CTNNA3: variants seen among roughly 807,000 people sequenced by gnomAD.
CTNNA3 encodes the protein catenin alpha-3.
CTNNA3 carries 76 observed loss-of-function variants against 95.7 expected under a neutral mutation model. That is an observed-to-expected ratio of 0.79 (90% CI 0.66 to 0.96). The LOEUF (loss-of-function observed/expected upper bound fraction) is 0.96. CTNNA3 is among the 40% of genes least tolerant of loss of function. The probability of loss-of-function intolerance (pLI) is 0.00; values close to 1 mark genes in which losing one functional copy is unlikely to be tolerated. For missense variants in CTNNA3, 1,191 were observed against 1,089.8 expected, an observed-to-expected ratio of 1.09 and a Z score of -1.31; for synonymous variants, 431 against 374.4, an observed-to-expected ratio of 1.15 and a Z score of -1.74.
At chr10:66,599,426 A>C (rs866482686) in intron 10 of CTNNA3, among the ~76,000 whole-genome samples, 6 of 152,138 alleles carry the variant, frequency 3.9e-5, no homozygotes, top group African/African-American at 1.4e-4. Context: ...TTTTGCAGTC[A>C]TGGCTGTACT....
chr10:66,704,050 C>T (rs991496051), intron 9 of CTNNA3, among the ~76,000 whole-genome samples: 1 of 152,070 alleles, frequency 6.6e-6, no homozygotes, highest in Non-Finnish European at 1.5e-5. Flanking sequence ...TGCTTGTCTC[C>T]CGATTCGTAT....
intron 7 of CTNNA3, among the ~76,000 whole-genome samples, chr10:66,781,725 C>A (rs1840543854): frequency 6.6e-6 from 1 of 152,142 alleles, no homozygotes; most frequent in African/African-American, 2.4e-5. Flanking sequence ...GATGCCATCC[C>A]CATGTAGATG....
intron 7 of CTNNA3, among the ~76,000 whole-genome samples, chr10:66,888,639 A>G (rs1845141462): frequency 6.6e-6 from 1 of 152,128 alleles, no homozygotes; most frequent in Admixed American, 6.5e-5. Context: ...ATGCTTCACA[A>G]CCTCATAGAG....
chr10:67,463,198 C>T (rs1000161160), intron 5 of CTNNA3, among the ~76,000 whole-genome samples: 2 of 152,120 alleles, frequency 1.3e-5, no homozygotes, highest in African/African-American at 4.8e-5. Context: ...AGCCACCACA[C>T]CCGACCTCTG....
chr10:66,965,899 A>G (rs1414801713), intron 7 of CTNNA3, among the ~76,000 whole-genome samples: 1 of 152,286 alleles, frequency 6.6e-6, no homozygotes, highest in African/African-American at 2.4e-5. Context: ...AGAGAAATCC[A>G]TCCTCCTTGG....
intron 1 of CTNNA3, among the ~76,000 whole-genome samples, chr10:67,727,114 T>C (rs1252546745): frequency 8.2e-6 from 1 of 121,806 alleles, no homozygotes; most frequent in Non-Finnish European, 1.6e-5. Context: ...ATGATACATA[T>C]ATGATATAAT....
Position 66,541,606 on chromosome 10 carries a change from T to C in CTNNA3, c.1375-20833A>G, listed in dbSNP as rs953076348. Among the ~76,000 whole-genome samples the C allele has an allele frequency of 3.3e-5, 5 of 152,148 alleles. No homozygotes were observed. In the East Asian group the frequency reaches 9.6e-4, roughly 29 times the overall value. ...CAGAAATCATCCAAGCTTTTCTCTA[T>C]AATGCATGTTTCTTTAGATATTGTA... On this transcript the variant is annotated intron_variant, in intron 10 of 17. Coordinates refer to ENST00000433211, the MANE Select transcript of CTNNA3 (RefSeq NM_013266.4).
At chr10:67,691,867 T>C (rs1306248729) in intron 1 of CTNNA3, among the ~76,000 whole-genome samples, 8 of 123,846 alleles carry the variant, frequency 6.5e-5, no homozygotes, top group South Asian at 3.0e-4. Context: ...CCTGGCCAGC[T>C]GCCCCGTCCG....
intron 5 of CTNNA3, among the ~76,000 whole-genome samples, chr10:67,229,432 A>T (rs1054397740): frequency 6.6e-6 from 1 of 152,040 alleles, no homozygotes; most frequent in Non-Finnish European, 1.5e-5. Flanking sequence ...CATTCTCACC[A>T]CTCCTCTGCA....
At chr10:66,709,394 T>C (rs1848219340) in intron 9 of CTNNA3, among the ~76,000 whole-genome samples, 1 of 151,962 alleles carries the variant, frequency 6.6e-6, no homozygotes, top group South Asian at 2.1e-4. Context: ...CTAGAAAGGA[T>C]AATGAGTCTC....
At chr10:66,714,832 A>G (rs1275396750) in intron 9 of CTNNA3, among the ~76,000 whole-genome samples, 1 of 152,082 alleles carries the variant, frequency 6.6e-6, no homozygotes, top group East Asian at 1.9e-4. Context: ...AAAACCAATC[A>G]TGTCATTTGC....
chr10:66,897,567 G>A (rs563642451), intron 7 of CTNNA3, among the ~76,000 whole-genome samples: 15 of 152,176 alleles, frequency 9.9e-5, no homozygotes, highest in Middle Eastern at 3.4e-3. Context: ...TAACTTGATT[G>A]TATACTCCTG....
chr10:67,279,352 T>C (rs1839304116), intron 5 of CTNNA3, among the ~76,000 whole-genome samples: 1 of 152,158 alleles, frequency 6.6e-6, no homozygotes, highest in Admixed American at 6.6e-5. Context: ...TGGAAGTTTA[T>C]TTTGCCAGGG....
At chr10:65,938,489 G>C (rs946768601) in intron 17 of CTNNA3, among the ~76,000 whole-genome samples, 1 of 152,154 alleles carries the variant, frequency 6.6e-6, no homozygotes. Context: ...ATAGTGAGAT[G>C]ACTGGGGACT....
chr10:66,685,058 T>C (rs960556966), intron 9 of CTNNA3, among the ~76,000 whole-genome samples: 2 of 150,150 alleles, frequency 1.3e-5, no homozygotes, highest in Admixed American at 6.7e-5. Flanking sequence ...TTGCTACATA[T>C]AAAAATGGAA....
intron 7 of CTNNA3, among the ~76,000 whole-genome samples, chr10:66,969,493 T>C (rs899498665): frequency 6.6e-6 from 1 of 152,172 alleles, no homozygotes; most frequent in African/African-American, 2.4e-5. Flanking sequence ...ACTTTAATTG[T>C]ATCTTGGATT....
chr10:66,823,807 G>A (rs1842387385), intron 7 of CTNNA3, among the ~76,000 whole-genome samples: 1 of 152,062 alleles, frequency 6.6e-6, no homozygotes, highest in Non-Finnish European at 1.5e-5. Context: ...CAAGGCTTAG[G>A]ACAGGCTAAC....
chr10:66,043,065 A>G (rs2079737051), intron 15 of CTNNA3, among the ~76,000 whole-genome samples: 1 of 151,224 alleles, frequency 6.6e-6, no homozygotes, highest in African/African-American at 2.4e-5. Context: ...AGAAGAAAAT[A>G]AAACAGAAGG....
At chr10:65,964,187 A>C (rs542547989) in intron 17 of CTNNA3, among the ~76,000 whole-genome samples, 11 of 152,188 alleles carry the variant, frequency 7.2e-5, no homozygotes, top group Non-Finnish European at 1.3e-4. Context: ...AAAGAATAGG[A>C]ACAAGACAAG....
Sources: gnomAD v4.1 joint callset for allele counts (sites outside exome capture counted in the v4.1 genomes callset) on GRCh38, gnomAD v4.1.1 for gene constraint, MANE v1.5 for transcripts, NCBI Gene and HGNC (gene_info 2026-07-23, HGNC 2026-07-21) for gene names.